RNF180: variants seen among roughly 807,000 people sequenced by gnomAD.
The protein encoded by RNF180 is ring finger protein 180, also known as E3 ubiquitin-protein ligase RNF180.
RNF180 carries 38 observed loss-of-function variants against 59.2 expected under a neutral mutation model. The ratio of observed to expected loss-of-function variants is 0.64; its 90% CI spans 0.50 to 0.84. The LOEUF (loss-of-function observed/expected upper bound fraction) is 0.84, where lower values mean the gene tolerates loss of function less well. Ranked by LOEUF, RNF180 falls within the 40% of genes least tolerant of loss-of-function variation. The probability of loss-of-function intolerance (pLI) is 0.00; values close to 1 mark genes in which losing one functional copy is unlikely to be tolerated. For synonymous variants in RNF180, 262 were observed against 240.3 expected, an observed-to-expected ratio of 1.09 and a Z score of -0.84; for missense variants, 705 against 700.9, an observed-to-expected ratio of 1.01 and a Z score of -0.07.
intron 5 of RNF180, among the ~76,000 whole-genome samples, chr5:64,255,867 T>G (rs887144918): frequency 8.5e-5 from 13 of 152,202 alleles, no homozygotes; most frequent in Non-Finnish European, 1.5e-4. Context: ...ACCTATTGTT[T>G]CCTGACTTTT....
intron 5 of RNF180, among the ~76,000 whole-genome samples, chr5:64,243,038 G>T (rs1223195207): frequency 6.6e-6 from 1 of 152,156 alleles, no homozygotes; most frequent in South Asian, 2.1e-4. Context: ...TGTGACTTGA[G>T]GAACAGTGCA....
At chr5:64,204,159 C>T (rs1751894965) in intron 2 of RNF180, among the ~76,000 whole-genome samples, 3 of 152,044 alleles carry the variant, frequency 2.0e-5, no homozygotes, top group Admixed American at 2.0e-4. Context: ...GGATAGTATT[C>T]CAGAATATAC....
At chr5:64,281,015 C>A (rs1015882483) in intron 5 of RNF180, among the ~76,000 whole-genome samples, 1 of 152,156 alleles carries the variant, frequency 6.6e-6, no homozygotes, top group Non-Finnish European at 1.5e-5. Flanking sequence ...TTGCAGAGAT[C>A]TTTCACCTCC....
chr5:64,254,216 G>A (rs1353943437), intron 5 of RNF180, among the ~76,000 whole-genome samples: 2 of 152,154 alleles, frequency 1.3e-5, no homozygotes, highest in African/African-American at 4.8e-5. Context: ...AACCTTTCAA[G>A]TCCACCTTTA....
At chr5:64,264,795 G>T (rs1744563118) in intron 5 of RNF180, among the ~76,000 whole-genome samples, 1 of 152,112 alleles carries the variant, frequency 6.6e-6, no homozygotes, top group African/African-American at 2.4e-5. Flanking sequence ...AGATCCTTGA[G>T]GAATTGCCAC....
intron 1 of RNF180, among the ~76,000 whole-genome samples, chr5:64,194,429 A>G (rs960847501): frequency 1.3e-5 from 2 of 152,162 alleles, no homozygotes; most frequent in Non-Finnish European, 2.9e-5. Flanking sequence ...GTTGGTTCCA[A>G]GTCTTTGCTA....
At chr5:64,251,415 A>G (rs1330516271) in intron 5 of RNF180, among the ~76,000 whole-genome samples, 1 of 152,190 alleles carries the variant, frequency 6.6e-6, no homozygotes, top group African/African-American at 2.4e-5. Context: ...GCTTTTTGAA[A>G]TTAATTAGTT....
At chr5:64,242,795 T>G (rs1183663655) in intron 5 of RNF180, among the ~76,000 whole-genome samples, 1 of 152,210 alleles carries the variant, frequency 6.6e-6, no homozygotes, top group East Asian at 1.9e-4. Flanking sequence ...GGATCCCAGA[T>G]TGAAGATGGC....
At chr5:64,282,991 G>C (rs1379254882) in intron 5 of RNF180, among the ~76,000 whole-genome samples, 1 of 152,158 alleles carries the variant, frequency 6.6e-6, no homozygotes, top group East Asian at 1.9e-4. Flanking sequence ...TTGGGGTGGA[G>C]AGTTCTGTAG....
chr5:64,257,756 A>G (rs1012700666), intron 5 of RNF180, among the ~76,000 whole-genome samples: 2 of 152,008 alleles, frequency 1.3e-5, no homozygotes, highest in African/African-American at 4.8e-5. Flanking sequence ...TTTTCTATTG[A>G]TTGGAATAGT....
intron 1 of RNF180, among the ~76,000 whole-genome samples, chr5:64,190,679 C>A (rs1387806615): frequency 6.6e-6 from 1 of 152,056 alleles, no homozygotes; most frequent in East Asian, 1.9e-4. Context: ...TAAATGAGGT[C>A]AAAAGGGTGG....
intron 5 of RNF180, among the ~76,000 whole-genome samples, chr5:64,280,233 G>A (rs938251842): frequency 6.6e-6 from 1 of 152,048 alleles, no homozygotes; most frequent in African/African-American, 2.4e-5. Flanking sequence ...TGGATGCATA[G>A]TTTGCAAATA....
intron 5 of RNF180, among the ~76,000 whole-genome samples, chr5:64,264,456 C>A (rs1744539342): frequency 6.6e-6 from 1 of 152,118 alleles, no homozygotes; most frequent in African/African-American, 2.4e-5. Flanking sequence ...GTTCAGTTCC[C>A]ACTTATGAGT....
At chr5:64,259,493 C>T (rs1744185642) in intron 5 of RNF180, among the ~76,000 whole-genome samples, 1 of 152,202 alleles carries the variant, frequency 6.6e-6, no homozygotes, top group Non-Finnish European at 1.5e-5. Context: ...TCAACTCACA[C>T]AGCTTAGCTC....
intron 5 of RNF180, among the ~76,000 whole-genome samples, chr5:64,271,720 A>T (rs1417154247): frequency 6.6e-6 from 1 of 152,098 alleles, no homozygotes; most frequent in African/African-American, 2.4e-5. Context: ...GAGCCATAAT[A>T]TATCTCAAGA....
rs1239863934 is a variant in RNF180 at position 64,192,938 on chromosome 5, TAA to T, written c.1-7867_1-7866del. On this transcript the variant is annotated intron_variant, in intron 1 of 7. Coordinates refer to ENST00000389100, the MANE Select transcript of RNF180 (RefSeq NM_001113561.2). ...ATATATATATATATATATATATATATAAAATGAAACATTCAGCATCGAAAAAG... is the reference window on the plus strand; with the variant it reads ...ATATATATATATATATATATATATATAATGAAACATTCAGCATCGAAAAAG... 3.1e-3 allele frequency among the ~76,000 whole-genome samples: 411 copies of T among 133,290 alleles called. 3 individuals are homozygous for T. The highest frequency in any genetic ancestry group is 0.011 in the African/African-American group (384 of 34,162). The allele number at this position is 133,290 out of a possible 152,430, so 87.4% of individuals were successfully genotyped here.
chr5:64,217,946 A>G (rs1366454173), intron 5 of RNF180, among the ~76,000 whole-genome samples: 1 of 152,138 alleles, frequency 6.6e-6, no homozygotes, highest in Admixed American at 6.6e-5. Flanking sequence ...CAAAAAATAC[A>G]AAAACAATCT....
At chr5:64,332,815 A>T (rs538584040) in intron 7 of RNF180, among the ~76,000 whole-genome samples, 31 of 152,336 alleles carry the variant, frequency 2.0e-4, no homozygotes, top group African/African-American at 6.7e-4. Context: ...AGATATGAGG[A>T]ACTGTGATCT....
intron 5 of RNF180, among the ~76,000 whole-genome samples, chr5:64,264,644 G>A (rs1173353539): frequency 6.6e-6 from 1 of 152,118 alleles, no homozygotes; most frequent in Non-Finnish European, 1.5e-5. Flanking sequence ...TGGGCATTTG[G>A]GTTGGTTCCA....
Sources: gnomAD v4.1 joint callset for allele counts (sites outside exome capture counted in the v4.1 genomes callset) on GRCh38, gnomAD v4.1.1 for gene constraint, MANE v1.5 for transcripts, NCBI Gene and HGNC (gene_info 2026-07-23, HGNC 2026-07-21) for gene names.